Variants in ARL9 observed in about 807,000 individuals in gnomAD.
ARL9 encodes ARF like GTPase 9, also known as ADP-ribosylation factor-like protein 9.
In ARL9, 14 loss-of-function variants were observed where a neutral mutation model predicts 27.0. That is an observed-to-expected ratio of 0.52 (90% CI 0.34 to 0.81). The LOEUF (loss-of-function observed/expected upper bound fraction) is 0.81, where lower values mean the gene tolerates loss of function less well. ARL9 is among the 30% of genes least tolerant of loss of function. ARL9 has a pLI of 0.01. For synonymous variants in ARL9, 106 were observed against 108.7 expected (o/e 0.98, Z 0.15); for missense variants, 294 against 290.0 (o/e 1.01, Z -0.10).
chr4:56,507,003 T>C (rs1397138070), intron 1 of ARL9, among the ~76,000 whole-genome samples: 1 of 152,142 alleles, frequency 6.6e-6, no homozygotes, highest in East Asian at 1.9e-4. Flanking sequence ...GCCATGTAGC[T>C]CAGGCTGATC....
intron 2 of ARL9, among the ~76,000 whole-genome samples, chr4:56,512,374 C>T (rs1346454202): frequency 6.6e-6 from 1 of 152,032 alleles, no homozygotes. Context: ...CCTCCCTAAC[C>T]TTACCTCACC....
At chr4:56,516,584 C>CAAAAAAAAAAAAAAA (rs10718013) in intron 2 of ARL9, among the ~76,000 whole-genome samples, 2 of 120,846 alleles carry the variant, frequency 1.7e-5, no homozygotes, top group African/African-American at 3.0e-5. Context: ...TCAAATTAGG[C>CAAAAAAAAAAAAAAA]AAAAAAAAAA....
At chr4:56,505,748 G>T, upstream of ARL9, 1 of 1,396,500 alleles carries the variant, frequency 7.2e-7, no homozygotes, top group South Asian at 1.6e-5. Flanking sequence ...GGTTGTCTAC[G>T]CCGCGGGGCC....
At position 56,518,705 on chromosome 4, in the gene ARL9, A is replaced by C. The variant is rs768765873; in HGVS notation, c.470A>C (p.Tyr157Ser). The C allele has an allele frequency of 6.2e-7, 1 of 1,613,578 alleles. No homozygotes were observed. The highest frequency in any genetic ancestry group is 2.2e-5 in the East Asian group (1 of 44,866). Residue 157 changes from tyrosine to serine, a missense_variant, in exon 3 of 4, where the codon TAC becomes TCC. By Grantham distance (144) the Tyr-to-Ser change is moderately radical. Coordinates refer to ENST00000640821, the MANE Select transcript of ARL9 (RefSeq NM_001363794.2). ...GGTGGCAGTAAACCTTTTCGGTCCT[A>C]CTGGGAAATGTACCTATCCAAGGGA... is the stretch of plus-strand genomic sequence containing the variant. ...EIGGSKPFRS[Y>S]WEMYLSKGLL...
chr4:56,516,470 C>T lies in ARL9; in HGVS notation c.443-2208C>T, dbSNP rs529562233. Among the ~76,000 whole-genome samples, 9 of 146,768 alleles carry T rather than the reference C, an allele frequency of 6.1e-5. No individual in the cohort carries two copies. In the South Asian group the frequency reaches 1.9e-3, roughly 32 times the overall value. ...GTCCAGAATATATAAAGAACTCCTACAAATAAAGACAACATAAAAACATTG... is the reference window on the plus strand; with the variant it reads ...GTCCAGAATATATAAAGAACTCCTATAAATAAAGACAACATAAAAACATTG... On this transcript the variant is annotated intron_variant, in intron 2 of 3. Transcript: ENST00000640821.
chr4:56,523,844 T>G lies in ARL9; in HGVS notation c.766T>G (p.Leu256Val), dbSNP rs778790148. Residue 256 changes from leucine to valine, a missense_variant, in exon 4 of 4, where the codon TTG becomes GTG. By Grantham distance (32) the Leu-to-Val change is conservative. Coordinates refer to ENST00000640821, the MANE Select transcript of ARL9 (RefSeq NM_001363794.2). ...IPSTMQDAKDLIAQLAADVQ is the reference protein window; with the variant it reads ...IPSTMQDAKDVIAQLAADVQ ...CTCCACCATGCAAGATGCCAAAGACTTGATTGCACAGCTGGCTGCAGATGT... is the reference window on the plus strand; with the variant it reads ...CTCCACCATGCAAGATGCCAAAGACGTGATTGCACAGCTGGCTGCAGATGT... 2 of 1,614,004 alleles carry G rather than the reference T, an allele frequency of 1.2e-6. No individual in the cohort carries two copies. The highest frequency in any genetic ancestry group is 1.7e-6 in the Non-Finnish European group (2 of 1,179,884).
At chr4:56,509,661 G>A (rs6820417) in intron 1 of ARL9, among the ~76,000 whole-genome samples, 46,862 of 143,702 alleles carry the variant, frequency 0.33, 7,671 homozygotes, top group East Asian at 0.48. Flanking sequence ...CAGCCTCCCA[G>A]ATAGCTGGGA....
chr4:56,513,437 G>T (rs1377171197), intron 2 of ARL9, among the ~76,000 whole-genome samples: 1 of 152,160 alleles, frequency 6.6e-6, no homozygotes. Context: ...AAAAGTAGTG[G>T]CAAAAATAAA....
chr4:56,517,013 G>A (rs140039046), intron 2 of ARL9, among the ~76,000 whole-genome samples: 1 of 152,144 alleles, frequency 6.6e-6, no homozygotes, highest in Non-Finnish European at 1.5e-5. Context: ...AGTGTGTATT[G>A]GTACCAACTT....
At chr4:56,514,491 G>C (rs1289203094) in intron 2 of ARL9, among the ~76,000 whole-genome samples, 1 of 152,100 alleles carries the variant, frequency 6.6e-6, no homozygotes, top group African/African-American at 2.4e-5. Flanking sequence ...ATAATGTCAT[G>C]AAGGAAAAAG....
upstream of ARL9, chr4:56,505,289 C>A: frequency 2.4e-6 from 1 of 416,002 alleles, no homozygotes; most frequent in Non-Finnish European, 4.9e-6. Context: ...GCGGAGTTTA[C>A]TCGGGAGAGG....
Position 56,505,851 on chromosome 4 carries a change from G to A in ARL9, c.-12G>A. On this transcript the variant is annotated 5_prime_UTR_variant, in exon 1 of 4. Coordinates refer to ENST00000640821, the MANE Select transcript of ARL9 (RefSeq NM_001363794.2). Reference sequence around the variant, plus strand: ...GCACGCGGCGGGAGGGAAGGAAACCGCGGCGCTGGGGATGGAGAGGGGGAA... The same window carrying A: ...GCACGCGGCGGGAGGGAAGGAAACCACGGCGCTGGGGATGGAGAGGGGGAA... 7.8e-7 allele frequency: 1 copy of A among 1,275,154 alleles called. No homozygotes were observed. 79.0% of individuals were successfully genotyped at this position (1,275,154 alleles called of 1,614,324 possible).
intron 2 of ARL9, among the ~76,000 whole-genome samples, chr4:56,516,185 G>C (rs574740696): frequency 5.7e-4 from 87 of 152,218 alleles, no homozygotes; most frequent in African/African-American, 1.9e-3. Context: ...GATGAAATTA[G>C]TTTCCTGCCT....
At chr4:56,516,601 A>G (rs1187867104) in intron 2 of ARL9, among the ~76,000 whole-genome samples, 1 of 150,668 alleles carries the variant, frequency 6.6e-6, no homozygotes, top group Non-Finnish European at 1.5e-5. Flanking sequence ...AAAAAAAAAA[A>G]AGAAAAAGAA....
At chr4:56,506,273 C>T (rs2110139595) in intron 1 of ARL9, 132 bp downstream of exon 1, 2 of 960,366 alleles carry the variant, frequency 2.1e-6, no homozygotes, top group East Asian at 6.6e-5. Context: ...GGGCTATTTA[C>T]CTATGGATGA....
chr4:56,519,869 T>A (rs77994126), intron 3 of ARL9, among the ~76,000 whole-genome samples: 1 of 152,080 alleles, frequency 6.6e-6, no homozygotes, highest in African/African-American at 2.4e-5. Context: ...TTTTTTTTTT[T>A]AAGGCAGAGT....
intron 1 of ARL9, among the ~76,000 whole-genome samples, chr4:56,510,906 G>A (rs1721619298): frequency 6.6e-6 from 1 of 151,788 alleles, no homozygotes; most frequent in Non-Finnish European, 1.5e-5. Flanking sequence ...CAAGTAGCTG[G>A]ACTTACAGGT....
Position 56,506,039 on chromosome 4 carries a change from G to C in ARL9, c.177G>C (p.Lys59Asn). The part of the protein sequence containing the change: ...KGKEKEEKRT[K>N]QGKETNKEKE... Reference sequence around the variant, plus strand: ...AAGAGAAAGAGGAAAAGAGGACAAAGCAAGGGAAGGAGACAAACAAAGAGA... The same window carrying C: ...AAGAGAAAGAGGAAAAGAGGACAAACCAAGGGAAGGAGACAAACAAAGAGA... Residue 59 changes from lysine to asparagine, a missense_variant, in exon 1 of 4, where the codon AAG (lysine) becomes AAC (asparagine). By Grantham distance (94) the Lys-to-Asn change is moderately conservative (BLOSUM62 0). Transcript: ENST00000640821. 5 of 1,229,832 alleles carry C rather than the reference G, an allele frequency of 4.1e-6. No homozygotes were observed. The highest frequency in any genetic ancestry group is 5.1e-6 in the Non-Finnish European group (5 of 984,980). 76.2% of individuals were successfully genotyped at this position (1,229,832 alleles called of 1,614,324 possible).
chr4:56,508,778 T>C (rs908643761), intron 1 of ARL9, among the ~76,000 whole-genome samples: 4 of 152,190 alleles, frequency 2.6e-5, no homozygotes, highest in Admixed American at 2.0e-4. Flanking sequence ...AAATATCTCA[T>C]TTTCACATAG....
Sources: gnomAD v4.1 joint callset for allele counts (sites outside exome capture counted in the v4.1 genomes callset) on GRCh38, gnomAD v4.1.1 for gene constraint, MANE v1.5 for transcripts, NCBI Gene and HGNC (gene_info 2026-07-23, HGNC 2026-07-21) for gene names.